Variants in NEDD4L observed in about 807,000 individuals in gnomAD.
The protein encoded by NEDD4L is NEDD4 like E3 ubiquitin protein ligase.
NEDD4L carries 54 observed loss-of-function variants against 148.9 expected under a neutral mutation model. That is an observed-to-expected ratio of 0.36 (90% CI 0.29 to 0.45). The LOEUF is 0.45. Among genes scored for constraint, NEDD4L ranks in the 20% least tolerant of loss-of-function variants. NEDD4L has a pLI of 1.00. For missense variants in NEDD4L, 856 were observed against 1,233.8 expected (o/e 0.69, Z 4.59); for synonymous variants, 433 against 440.7 (o/e 0.98, Z 0.22).
intron 24 of NEDD4L, among the ~76,000 whole-genome samples, chr18:58,375,702 C>T (rs1213317723): frequency 6.6e-6 from 1 of 152,078 alleles, no homozygotes; most frequent in African/African-American, 2.4e-5. Context: ...CTGTATGCCC[C>T]CTGAGGTCTT....
chr18:58,123,992 C>T (rs9961411), intron 1 of NEDD4L, among the ~76,000 whole-genome samples: 108,412 of 152,078 alleles, frequency 0.71, 38,813 homozygotes, highest in Admixed American at 0.77. Flanking sequence ...GGCCTTATGA[C>T]GTTTCTCTTT....
chr18:58,229,594 C>T (rs292447), intron 2 of NEDD4L, among the ~76,000 whole-genome samples: 70,215 of 152,016 alleles, frequency 0.46, 18,197 homozygotes, highest in East Asian at 0.72. Context: ...TGAGGTTAAT[C>T]ACAATGAATG....
At chr18:58,356,370 C>T (rs375969655) in intron 18 of NEDD4L, among the ~76,000 whole-genome samples, 5 of 151,846 alleles carry the variant, frequency 3.3e-5, no homozygotes, top group Non-Finnish European at 7.4e-5. Flanking sequence ...CCCCACCCCC[C>T]GTACCTTTCA....
rs541634713 is a variant in NEDD4L at position 58,238,149 on chromosome 18, G to A, written c.123-7278G>A. On this transcript the variant is annotated intron_variant, in intron 2 of 30. Transcript: ENST00000400345. Reference sequence around the variant, plus strand: ...GCTGGAAAATTGTACATATTTAAGAGTAGTGGCTCATTGCCAGTATTGGTG... The same window carrying A: ...GCTGGAAAATTGTACATATTTAAGAATAGTGGCTCATTGCCAGTATTGGTG... Among the ~76,000 whole-genome samples, 5 of 152,308 alleles carry A rather than the reference G, an allele frequency of 3.3e-5. No individual in the cohort carries two copies. The South Asian group carries it at 1.0e-3, about 32-fold the overall frequency.
intron 1 of NEDD4L, among the ~76,000 whole-genome samples, chr18:58,144,324 G>A (rs576081339): frequency 6.6e-6 from 1 of 152,214 alleles, no homozygotes; most frequent in East Asian, 1.9e-4. Context: ...GGAAGATGAA[G>A]GGGGAGCAGG....
At position 58,276,694 on chromosome 18, in the gene NEDD4L, A is replaced by ATAT. The variant is rs143837901; in HGVS notation, c.297+24658_297+24660dup. Among the ~76,000 whole-genome samples the ATAT allele has an allele frequency of 9.4e-3, 916 of 97,820 alleles. 10 individuals carry two copies. The highest frequency in any genetic ancestry group is 0.044 in the African/African-American group (811 of 18,636). 64.2% of individuals were successfully genotyped at this position (97,820 alleles called of 152,430 possible). On this transcript the variant is annotated intron_variant, in intron 5 of 30. Coordinates refer to ENST00000400345, the MANE Select transcript of NEDD4L (RefSeq NM_001144967.3). ...GTGGTCAGCTATAATAATAATAATA[A>ATAT]TATTATTATTATTATTATTAATAAA...
At chr18:58,290,551 C>T (rs1036829278) in intron 5 of NEDD4L, among the ~76,000 whole-genome samples, 3 of 152,076 alleles carry the variant, frequency 2.0e-5, no homozygotes, top group African/African-American at 7.2e-5. Context: ...GGTAGGCGAT[C>T]CCTTATCTCG....
intron 5 of NEDD4L, among the ~76,000 whole-genome samples, chr18:58,307,871 T>G (rs1304966223): frequency 6.6e-6 from 1 of 152,266 alleles, no homozygotes; most frequent in African/African-American, 2.4e-5. Flanking sequence ...GATTAAGATC[T>G]GTTCTTTGGT....
intron 2 of NEDD4L, among the ~76,000 whole-genome samples, chr18:58,222,090 T>C (rs2043835620): frequency 6.6e-6 from 1 of 152,212 alleles, no homozygotes; most frequent in South Asian, 2.1e-4. Context: ...AATAATACTT[T>C]TATTTTTGAA....
At chr18:58,276,244 A>T (rs1600579133) in intron 5 of NEDD4L, among the ~76,000 whole-genome samples, 1 of 120,080 alleles carries the variant, frequency 8.3e-6, no homozygotes. Flanking sequence ...TCTGAGACGG[A>T]GTCTCACTCT....
At chr18:58,378,801 A>G (rs2047929415) in intron 24 of NEDD4L, among the ~76,000 whole-genome samples, 1 of 152,200 alleles carries the variant, frequency 6.6e-6, no homozygotes, top group South Asian at 2.1e-4. Context: ...CATATTCCAT[A>G]TGAGCCAAGC....
intron 1 of NEDD4L, among the ~76,000 whole-genome samples, chr18:58,136,591 C>T (rs765714426): frequency 9.9e-5 from 15 of 152,074 alleles, no homozygotes; most frequent in Non-Finnish European, 2.1e-4. Flanking sequence ...CAGTACAGTT[C>T]CAAGTAGTGA....
intron 5 of NEDD4L, among the ~76,000 whole-genome samples, chr18:58,272,857 A>G (rs996673392): frequency 2.0e-5 from 3 of 152,224 alleles, no homozygotes; most frequent in Non-Finnish European, 4.4e-5. Flanking sequence ...ACTGCAGACC[A>G]TGGCTCTTTT....
intron 1 of NEDD4L, among the ~76,000 whole-genome samples, chr18:58,118,646 G>A (rs1293979202): frequency 6.6e-6 from 1 of 152,120 alleles, no homozygotes; most frequent in Admixed American, 6.6e-5. Context: ...GTGTGGCGGG[G>A]TGGTGGGGGC....
chr18:58,196,331 A>T (rs546416919), intron 2 of NEDD4L, among the ~76,000 whole-genome samples: 1 of 152,202 alleles, frequency 6.6e-6, no homozygotes, highest in Non-Finnish European at 1.5e-5. Context: ...ACACTTTCTC[A>T]TTTGTTTTAT....
chr18:58,338,318 C>A (rs746117544), intron 13 of NEDD4L, among the ~76,000 whole-genome samples: 1 of 152,192 alleles, frequency 6.6e-6, no homozygotes. Context: ...GGCTTCCTGG[C>A]GGGCCCTTCC....
At chr18:58,312,325 C>T (rs562453149) in intron 5 of NEDD4L, among the ~76,000 whole-genome samples, 3 of 152,186 alleles carry the variant, frequency 2.0e-5, no homozygotes, top group East Asian at 1.9e-4. Context: ...CAATGTTCAC[C>T]GAATGAGTTG....
intron 1 of NEDD4L, among the ~76,000 whole-genome samples, chr18:58,115,923 C>CCAAA (rs2085795586): frequency 6.6e-6 from 1 of 152,210 alleles, no homozygotes; most frequent in Admixed American, 6.5e-5. Context: ...AAGCACTCTA[C>CCAAA]GTTTGTTAAC....
In NEDD4L at chr18:58,400,446, A is replaced by C. The variant is rs1276867898; in HGVS notation, c.*4177A>C. 1 of 152,198 alleles carries C rather than the reference A, an allele frequency of 6.6e-6. No homozygotes were observed. Among genetic ancestry groups the C allele is most frequent in the East Asian group, 1.9e-4 (1 of 5,204 alleles). 9.4% of individuals were successfully genotyped at this position (152,198 alleles called of 1,614,324 possible). ...ATGAACAGTGTCTATACATTTGCAT[A>C]CACACACCCCCACCCCAGAGTGTTC... On this transcript the variant is annotated 3_prime_UTR_variant, in exon 31 of 31. Coordinates refer to ENST00000400345, the MANE Select transcript of NEDD4L (RefSeq NM_001144967.3).
Sources: gnomAD v4.1 joint callset for allele counts (sites outside exome capture counted in the v4.1 genomes callset) on GRCh38, gnomAD v4.1.1 for gene constraint, MANE v1.5 for transcripts, NCBI Gene and HGNC (gene_info 2026-07-23, HGNC 2026-07-21) for gene names.